Variants in ZNF662 observed in about 807,000 individuals in gnomAD.
The protein encoded by ZNF662 is zinc finger protein 662.
Under a neutral mutation model 12.4 loss-of-function variants are expected in ZNF662, and 14 were observed. The observed-to-expected ratio is 1.13, with a 90% CI of 0.75 to 1.77. The LOEUF (loss-of-function observed/expected upper bound fraction) is 1.77. Among genes scored for constraint, ZNF662 ranks in the 40% most tolerant of loss-of-function variants. The pLI, the probability that ZNF662 is intolerant of heterozygous loss-of-function variation, is 0.00. For synonymous variants in ZNF662, 184 were observed against 176.4 expected, an observed-to-expected ratio of 1.04 and a Z score of -0.34; for missense variants, 550 against 515.6, an observed-to-expected ratio of 1.07 and a Z score of -0.65.
At position 42,915,371 on chromosome 3, in the gene ZNF662, A is replaced by C; in HGVS notation, c.*17A>C. 6.6e-7 allele frequency: 1 copy of C among 1,525,322 alleles called. No individual in the cohort carries two copies. Among genetic ancestry groups the C allele is most frequent in the African/African-American group, 1.4e-5 (1 of 71,910 alleles). The allele number at this position is 1,525,322 out of a possible 1,614,324, so 94.5% of individuals were successfully genotyped here. On this transcript the variant is annotated 3_prime_UTR_variant, in exon 5 of 5. Transcript: ENST00000440367. ...GAACATTAGAGAGTGCATAATGGTG[A>C]TACTTGTTTATAATTCTTATGCTGC...
rs2088855209 is a variant in ZNF662 at position 42,913,385 on chromosome 3, C to T, written c.253+83C>T. 5.1e-6 allele frequency: 6 copies of T among 1,185,964 alleles called. 1 individual carries two copies. In the South Asian group the frequency reaches 6.5e-5, roughly 13 times the overall value. 73.5% of individuals were successfully genotyped at this position (1,185,964 alleles called of 1,614,324 possible). On this transcript the variant is annotated intron_variant, in intron 4 of 4. Coordinates refer to ENST00000440367, the MANE Select transcript of ZNF662 (RefSeq NM_207404.4). ...TTATAAGATGTAAAAGTCCATTTTG[C>T]CATTCATGTTCTAAACAAATATGGG... is the stretch of plus-strand genomic sequence containing the variant.
In ZNF662 at chr3:42,914,485, T is replaced by A; in HGVS notation, c.412T>A (p.Trp138Arg). ...TCEEKSRLGR[W>R]PGYLNGGRME... The stretch of plus-strand genomic sequence containing the variant: ...TGAAGAGAAAAGCAGGTTAGGGAGA[T>A]GGCCTGGTTACCTCAATGGGGGACG... Residue 138 changes from tryptophan (W) to arginine (R), a missense_variant, in exon 5 of 5, where the codon TGG becomes AGG. Trp to Arg is a moderately radical substitution (Grantham distance 101, BLOSUM62 -3). Coordinates refer to ENST00000440367, the MANE Select transcript of ZNF662 (RefSeq NM_207404.4). The A allele has an allele frequency of 6.2e-7, 1 of 1,614,096 alleles. No homozygotes were observed. Among genetic ancestry groups the A allele is most frequent in the Non-Finnish European group, 8.5e-7 (1 of 1,180,016 alleles).
chr3:42,908,203 T>G, intron 2 of ZNF662, 55 bp downstream of exon 2: 1 of 1,560,790 alleles, frequency 6.4e-7, no homozygotes, highest in African/African-American at 1.4e-5. Flanking sequence ...TGCTGGCTCC[T>G]TTTTTCTCAA....
rs115653515 is a variant in ZNF662, at chr3:42,908,705, T to C, written c.35-88T>C. 3.1e-3 allele frequency: 4,543 copies of C among 1,482,346 alleles called. 22 individuals are homozygous for C. The highest frequency in any genetic ancestry group is 2.9e-3 in the Non-Finnish European group (3,153 of 1,089,278). The allele number at this position is 1,482,346 out of a possible 1,614,324, so 91.8% of individuals were successfully genotyped here. On this transcript the variant is annotated intron_variant, in intron 2 of 4. Transcript: ENST00000440367. ...AGTTATTTCCGTTTTTTTCCCCTCC[T>C]ACCCCTGAAGACACTGGCCTGGGAG...
At chr3:42,909,553 T>C (rs1390881705) in intron 3 of ZNF662, among the ~76,000 whole-genome samples, 1 of 152,242 alleles carries the variant, frequency 6.6e-6, no homozygotes, top group South Asian at 2.1e-4. Context: ...ATCGTCATCA[T>C]GGCCCGTTCT....
intron 3 of ZNF662, 135 bp downstream of exon 3, chr3:42,909,044 T>C: frequency 1.8e-6 from 1 of 565,922 alleles, no homozygotes; most frequent in East Asian, 3.2e-5. Context: ...GTTCCCATAG[T>C]TTTATGTCTT....
At chr3:42,912,736 AATATATATATATATATTTTTTG>A (rs2088843790) in intron 3 of ZNF662, among the ~76,000 whole-genome samples, 2 of 112,738 alleles carry the variant, frequency 1.8e-5, no homozygotes, top group Admixed American at 1.3e-4. Flanking sequence ...TATATATATA[AATATATATATATATATTTTTTG>A]AGACACAGTC....
intron 1 of ZNF662, chr3:42,907,773 G>A: frequency 6.1e-6 from 6 of 985,382 alleles, no homozygotes; most frequent in Non-Finnish European, 7.2e-6. Flanking sequence ...GAAAACTTTT[G>A]CAGACTCATG....
chr3:42,913,446 T>G, intron 4 of ZNF662, 144 bp downstream of exon 4: 2 of 610,706 alleles, frequency 3.3e-6, no homozygotes, highest in Non-Finnish European at 5.7e-6. Flanking sequence ...AAGAGAAAAC[T>G]TAAACCCTAA....
intron 4 of ZNF662, among the ~76,000 whole-genome samples, chr3:42,913,713 A>G (rs535582580): frequency 1.3e-5 from 2 of 152,352 alleles, no homozygotes; most frequent in South Asian, 4.1e-4. Flanking sequence ...AATTACAGAA[A>G]AATGATGAAA....
intron 1 of ZNF662, chr3:42,907,546 G>A: frequency 2.6e-6 from 1 of 389,606 alleles, no homozygotes; most frequent in Non-Finnish European, 3.5e-6. Flanking sequence ...TGGAACTTTG[G>A]GGGAAGTTAA....
Position 42,915,387 on chromosome 3 carries a change from C to T in ZNF662, c.*33C>T. 2 of 1,516,376 alleles carry T rather than the reference C, an allele frequency of 1.3e-6. No homozygotes were observed. Among genetic ancestry groups the T allele is most frequent in the East Asian group, 4.5e-5 (2 of 44,168 alleles). 93.9% of individuals were successfully genotyped at this position (1,516,376 alleles called of 1,614,324 possible). On this transcript the variant is annotated 3_prime_UTR_variant, in exon 5 of 5. Coordinates refer to ENST00000440367, the MANE Select transcript of ZNF662 (RefSeq NM_207404.4). Reference sequence around the variant, plus strand: ...ATAATGGTGATACTTGTTTATAATTCTTATGCTGCAGGAACCCTAGAGACA... The same window carrying T: ...ATAATGGTGATACTTGTTTATAATTTTTATGCTGCAGGAACCCTAGAGACA...
In ZNF662 at chr3:42,915,258, G is replaced by A. The variant is rs200781955; in HGVS notation, c.1185G>A (p.Lys395=). ...CCTATAAATGTAATGACTGTGGGAA[G>A]GCCTTCAGTCAGAATTCTGTCTTAA... ...ERPYKCNDCG[K]AFSQNSVLIK... Residue 395 remains lysine, a synonymous_variant, in exon 5 of 5, where the codon AAG becomes AAA. Coordinates refer to ENST00000440367, the MANE Select transcript of ZNF662 (RefSeq NM_207404.4). 14 of 1,613,994 alleles carry A rather than the reference G, an allele frequency of 8.7e-6. No homozygotes were observed. Among genetic ancestry groups the A allele is most frequent in the African/African-American group, 5.3e-5 (4 of 75,038 alleles).
In ZNF662 at chr3:42,906,439, C is replaced by G. The variant is rs981108346; in HGVS notation, c.-94+271C>G. The G allele has an allele frequency of 2.7e-6, 4 of 1,455,726 alleles. No homozygotes were observed. The East Asian group carries it at 1.1e-4, about 40-fold the overall frequency. 90.2% of individuals were successfully genotyped at this position (1,455,726 alleles called of 1,614,324 possible). A position where few individuals can be genotyped will look rare whatever the true frequency, so the allele number is the denominator to read the frequency against. On this transcript the variant is annotated intron_variant, in intron 1 of 4. Coordinates refer to ENST00000440367, the MANE Select transcript of ZNF662 (RefSeq NM_207404.4). This position sits in a 1 kb window ranked among gnomAD's most constrained non-coding sequence, Gnocchi z 4.4. ...ACAGCCCGCGCTGCCCCGGGCGCGCCGGGTGAGTGCGGGGCCGGAGCCTGG... is the reference window on the plus strand; with the variant it reads ...ACAGCCCGCGCTGCCCCGGGCGCGCGGGGTGAGTGCGGGGCCGGAGCCTGG...
chr3:42,908,711 T>A (rs1316078799), intron 2 of ZNF662, 82 bp from the exon 3 acceptor site: 4 of 1,511,832 alleles, frequency 2.6e-6, no homozygotes, highest in Non-Finnish European at 3.6e-6. Flanking sequence ...CTCCTACCCC[T>A]GAAGACACTG....
chr3:42,906,511 G>C lies in ZNF662; in HGVS notation c.-94+343G>C. The C allele has an allele frequency of 7.5e-7, 1 of 1,330,880 alleles. No homozygotes were observed. The highest frequency in any genetic ancestry group is 2.1e-4 in the Middle Eastern group (1 of 4,762). The allele number at this position is 1,330,880 out of a possible 1,614,324, so 82.4% of individuals were successfully genotyped here. On this transcript the variant is annotated intron_variant, in intron 1 of 4. Transcript: ENST00000440367. The surrounding 1 kb of genome is among the most constrained non-coding windows in gnomAD (Gnocchi z 4.4). ...GGGTTCTAGGCCCGGAGACGGGGTG[G>C]TGCGGCGGCTGGGAAATGGGGGTAC... is the stretch of plus-strand genomic sequence containing the variant.
In ZNF662 at chr3:42,914,258, C is replaced by CATTA; in HGVS notation, c.254-69_254-68insATTA. On this transcript the variant is annotated intron_variant, in intron 4 of 4. Coordinates refer to ENST00000440367, the MANE Select transcript of ZNF662 (RefSeq NM_207404.4). Reference sequence around the variant, plus strand: ...TTGGAGAGAAGTGGACGTATTAATACCACTTGGTGACCTTAGTCGCTGTGT... The same window carrying CATTA: ...TTGGAGAGAAGTGGACGTATTAATACATTACACTTGGTGACCTTAGTCGCTGTGT... 3 of 1,383,054 alleles carry CATTA rather than the reference C, an allele frequency of 2.2e-6. No individual in the cohort carries two copies. In the East Asian group the frequency reaches 6.9e-5, roughly 32 times the overall value. The allele number at this position is 1,383,054 out of a possible 1,614,324, so 85.7% of individuals were successfully genotyped here.
At chr3:42,909,914 G>A (rs931063443) in intron 3 of ZNF662, among the ~76,000 whole-genome samples, 23 of 152,180 alleles carry the variant, frequency 1.5e-4, no homozygotes, top group Admixed American at 5.9e-4. Flanking sequence ...GAGGATGGGC[G>A]GCCGGGCAGA....
At position 42,908,008 on chromosome 3, in the gene ZNF662, A is replaced by G; in HGVS notation, c.-93-14A>G. The G allele has an allele frequency of 1.9e-6, 3 of 1,614,044 alleles. No individual in the cohort carries two copies. The South Asian group carries it at 3.3e-5, about 18-fold the overall frequency. ...TGGGGTTGTCCTAGGGCATTTAAAC[A>G]CATGTTGTTTCAGGAGTCAGTGACC... is the stretch of plus-strand genomic sequence containing the variant. On this transcript the variant is annotated splice_polypyrimidine_tract_variant and intron_variant, in intron 1 of 4. Coordinates refer to ENST00000440367, the MANE Select transcript of ZNF662 (RefSeq NM_207404.4).
Sources: allele counts gnomAD v4.1 joint callset (sites outside exome capture counted in the v4.1 genomes callset), GRCh38; gene constraint gnomAD v4.1.1; non-coding constraint Gnocchi (gnomAD v3.1); transcripts MANE v1.5; gene names NCBI Gene and HGNC (gene_info 2026-07-23, HGNC 2026-07-21).